Variants in MACF1 observed in about 807,000 individuals in gnomAD.
The protein encoded by MACF1 is microtubule actin crosslinking factor 1, also known as microtubule-actin cross-linking factor 1.
Under a neutral mutation model 854.8 loss-of-function variants are expected in MACF1, and 193 were observed. The ratio of observed to expected loss-of-function variants is 0.23; its 90% confidence interval spans 0.20 to 0.25. The LOEUF (loss-of-function observed/expected upper bound fraction) is 0.25. Ranked by LOEUF, MACF1 falls within the 10% of genes least tolerant of loss-of-function variation. The pLI is 1.00. For missense variants in MACF1, 7,722 were observed against 8,929.1 expected, an observed-to-expected ratio of 0.86 and a Z score of 5.45; for synonymous variants, 3,185 against 3,226.7, an observed-to-expected ratio of 0.99 and a Z score of 0.44.
intron 58 of MACF1, among the ~76,000 whole-genome samples, chr1:39,405,778 T>C (rs1279980065): frequency 6.6e-6 from 1 of 152,234 alleles, no homozygotes; most frequent in Admixed American, 6.5e-5. Flanking sequence ...TCAGTGCATA[T>C]GTTTGTGGTT....
Position 39,388,414 on chromosome 1 carries a change from G to C in MACF1, c.15572G>C (p.Gly5191Ala), listed in dbSNP as rs1301689752. The stretch of plus-strand genomic sequence containing the variant: ...TGTCGACATATGCTAGAAGAAGAGG[G>C]GACTCTGGATTTGTTAGGTCTCAAA... The part of the protein sequence containing the change: ...AECRHMLEEE[G>A]TLDLLGLKRE... The change falls in exon 58 of 101, where the codon GGG (glycine) becomes GCG (alanine). Residue 5191 changes from glycine to alanine, a missense_variant. Gly to Ala is a moderately conservative substitution (Grantham distance 60). Around this residue, in one of 15 missense-constraint regions of MACF1, gnomAD observed 2,807 missense variants for 3,235.8 expected, o/e 0.87. Coordinates refer to ENST00000564288, the MANE Select transcript of MACF1 (RefSeq NM_001394062.1). 6.2e-7 allele frequency: 1 copy of C among 1,613,934 alleles called. No homozygotes were observed. The highest frequency in any genetic ancestry group is 1.1e-5 in the South Asian group (1 of 91,080).
intron 44 of MACF1, 39 bp from the exon 45 acceptor site, chr1:39,357,336 A>G (rs371260893): frequency 3.8e-6 from 6 of 1,590,622 alleles, no homozygotes; most frequent in Non-Finnish European, 5.1e-6. Flanking sequence ...TGGATTGCCT[A>G]CTGATTGTCC....
intron 87 of MACF1, among the ~76,000 whole-genome samples, chr1:39,453,232 G>GAAATGTTTCCCTTTTT (rs1553432970): frequency 6.6e-6 from 1 of 152,120 alleles, no homozygotes; most frequent in Non-Finnish European, 1.5e-5. Flanking sequence ...AATGAGGTGG[G>GAAATGTTTCCCTTTTT]AAATGTTTCC....
chr1:39,165,588 A>C (rs971277862), intron 2 of MACF1, among the ~76,000 whole-genome samples: 1 of 152,208 alleles, frequency 6.6e-6, no homozygotes, highest in Admixed American at 6.5e-5. Flanking sequence ...ACAAGCATAC[A>C]ATACCATTTT....
intron 2 of MACF1, among the ~76,000 whole-genome samples, chr1:39,187,705 T>C (rs1644190532): frequency 6.6e-6 from 1 of 152,186 alleles, no homozygotes; most frequent in Non-Finnish European, 1.5e-5. Flanking sequence ...CTAGCAGATT[T>C]TTTAAAAAAT....
At chr1:39,312,800 G>A (rs1646328003) in intron 26 of MACF1, among the ~76,000 whole-genome samples, 3 of 152,162 alleles carry the variant, frequency 2.0e-5, no homozygotes, top group Non-Finnish European at 4.4e-5. Flanking sequence ...ACTCCAGCCT[G>A]GGCAACAGAG....
intron 2 of MACF1, among the ~76,000 whole-genome samples, chr1:39,086,314 G>T (rs1310937904): frequency 6.6e-6 from 1 of 152,256 alleles, no homozygotes; most frequent in African/African-American, 2.4e-5. Flanking sequence ...ACTTTAGAGG[G>T]AATGAGCTCC....
chr1:39,319,058 G>A (rs112943833), intron 30 of MACF1, among the ~76,000 whole-genome samples: 4,756 of 151,802 alleles, frequency 0.031, 117 homozygotes, highest in Middle Eastern at 0.078. Flanking sequence ...AAGAGTATGA[G>A]ATCTGGAGTT....
intron 50 of MACF1, among the ~76,000 whole-genome samples, chr1:39,368,851 C>G (rs948243380): frequency 2.0e-5 from 3 of 151,938 alleles, no homozygotes; most frequent in Admixed American, 6.6e-5. Context: ...GATGAGTTCC[C>G]TCTCTTTGTG....
intron 6 of MACF1, chr1:39,268,565 A>G (rs983521294): frequency 5.2e-6 from 6 of 1,164,724 alleles, no homozygotes; most frequent in Non-Finnish European, 6.5e-6. Context: ...GGAGGGAGAA[A>G]GAATTGGAGG....
intron 6 of MACF1, among the ~76,000 whole-genome samples, chr1:39,266,152 A>C (rs1381269495): frequency 6.6e-6 from 1 of 152,072 alleles, no homozygotes; most frequent in African/African-American, 2.4e-5. Flanking sequence ...TCTCAGAGAA[A>C]CTCTACAGCA....
intron 97 of MACF1, among the ~76,000 whole-genome samples, chr1:39,477,069 A>ATATACACACACACATATATACACTTAGTG (rs1557674927): frequency 1.7e-4 from 3 of 17,468 alleles, no homozygotes; most frequent in African/African-American, 6.5e-4. Context: ...ATATATATAT[A>ATATACACACACACATATATACACTTAGTG]TATATATATA....
In MACF1 at chr1:39,452,805, C is replaced by T; in HGVS notation, c.20735C>T (p.Thr6912Ile). 6.2e-7 allele frequency: 1 copy of T among 1,614,024 alleles called. No homozygotes were observed. The highest frequency in any genetic ancestry group is 8.5e-7 in the Non-Finnish European group (1 of 1,179,902). Residue 6912 changes from threonine to isoleucine, a missense_variant, in exon 87 of 101, where the codon ACC (threonine) becomes ATC (isoleucine). By Grantham distance (89) the Thr-to-Ile change is moderately conservative. This residue lies in a region of MACF1 where 729 missense variants were observed against 900.5 expected (regional missense o/e 0.81). Coordinates refer to ENST00000564288, the MANE Select transcript of MACF1 (RefSeq NM_001394062.1). ...GAGGCCCTGCAGTCTCTCATTGACA[C>T]CCATAAGGTAATCCAGCCTTGGGGT... Reference protein sequence around the residue: ...DTEALQSLIDTHKEFMKKVEE... With the variant: ...DTEALQSLIDIHKEFMKKVEE...
At chr1:39,415,341 T>A (rs945411143) in intron 58 of MACF1, among the ~76,000 whole-genome samples, 8 of 151,460 alleles carry the variant, frequency 5.3e-5, no homozygotes, top group South Asian at 4.2e-4. Flanking sequence ...TTTATTTTTT[T>A]TTTTTAGATG....
chr1:39,298,763 G>A (rs190388002), intron 21 of MACF1: 5 of 377,720 alleles, frequency 1.3e-5, no homozygotes, highest in African/African-American at 4.3e-5. Flanking sequence ...TTCAGATGTT[G>A]TCTCTAAAAT....
At chr1:39,133,439 A>C (rs1030370350) in intron 2 of MACF1, among the ~76,000 whole-genome samples, 1 of 151,782 alleles carries the variant, frequency 6.6e-6, no homozygotes, top group African/African-American at 2.4e-5. Flanking sequence ...CCTGGGGTTT[A>C]ATTTTGTAAC....
intron 72 of MACF1, among the ~76,000 whole-genome samples, chr1:39,440,100 TCTTTTC>T (rs1557655893): frequency 4.2e-4 from 51 of 122,526 alleles, no homozygotes; most frequent in African/African-American, 7.2e-4. Flanking sequence ...TCTTTTCTTT[TCTTTTC>T]TTTTCTTTTT....
intron 2 of MACF1, 75 bp from the exon 3 acceptor site, chr1:39,249,939 A>G: frequency 1.4e-6 from 1 of 739,000 alleles, no homozygotes; most frequent in Non-Finnish European, 2.3e-6. Context: ...TTTACCTAGA[A>G]CCAGAGATTT....
chr1:39,412,796 A>G (rs1045374631), intron 58 of MACF1: 12 of 1,612,644 alleles, frequency 7.4e-6, no homozygotes, highest in Non-Finnish European at 9.3e-6. Context: ...CCCACTGTCA[A>G]AGATGCCCTA....
Sources: allele counts gnomAD v4.1 joint callset (sites outside exome capture counted in the v4.1 genomes callset), GRCh38; gene constraint gnomAD v4.1.1; regional missense constraint gnomAD v4.1.1; transcripts MANE v1.5; gene names NCBI Gene and HGNC (gene_info 2026-07-23, HGNC 2026-07-21).